The following NRG1 variants were observed in gnomAD, a reference collection of about 807,000 sequenced individuals.
The protein encoded by NRG1 is neuregulin 1, also known as pro-neuregulin-1, membrane-bound isoform.
Under a neutral mutation model 63.8 loss-of-function variants are expected in NRG1, and 18 were observed. That is an observed-to-expected ratio of 0.28 (90% CI 0.19 to 0.42). NRG1 has a LOEUF of 0.42. Among genes scored for constraint, NRG1 ranks in the 10% least tolerant of loss-of-function variants. The pLI, the probability that NRG1 is intolerant of heterozygous loss-of-function variation, is 1.00. For missense variants in NRG1, 762 were observed against 814.7 expected (o/e 0.94, Z 0.79); for synonymous variants, 302 against 301.3 (o/e 1.00, Z -0.02).
At chr8:31,762,039 A>C (rs998726746) in intron 1 of NRG1, among the ~76,000 whole-genome samples, 1 of 152,326 alleles carries the variant, frequency 6.6e-6, no homozygotes, top group Admixed American at 6.5e-5. Context: ...AGCATTGAAA[A>C]AGTTTATTTT....
intron 1 of NRG1, among the ~76,000 whole-genome samples, chr8:32,352,898 T>C (rs1157958106): frequency 2.6e-5 from 3 of 116,432 alleles, no homozygotes; most frequent in East Asian, 2.1e-4. Flanking sequence ...AATATATATA[T>C]ACATATATAT....
intron 1 of NRG1, among the ~76,000 whole-genome samples, chr8:31,979,462 C>T (rs1253952725): frequency 6.6e-6 from 1 of 152,086 alleles, no homozygotes; most frequent in East Asian, 1.9e-4. Flanking sequence ...TTCTTCAACT[C>T]CCAACTCCTG....
intron 2 of NRG1, among the ~76,000 whole-genome samples, chr8:32,604,464 A>T (rs977708173): frequency 2.6e-5 from 4 of 152,170 alleles, no homozygotes; most frequent in African/African-American, 9.7e-5. Flanking sequence ...AACCAGAAGG[A>T]TTACTGTTGT....
At chr8:32,214,203 G>A (rs1236245636) in intron 1 of NRG1, among the ~76,000 whole-genome samples, 2 of 152,070 alleles carry the variant, frequency 1.3e-5, no homozygotes, top group East Asian at 3.9e-4. Context: ...TCTTATAGCT[G>A]TTTTCTCTCA....
intron 1 of NRG1, among the ~76,000 whole-genome samples, chr8:32,456,878 T>C (rs983900182): frequency 2.0e-5 from 3 of 152,166 alleles, no homozygotes; most frequent in Non-Finnish European, 4.4e-5. Flanking sequence ...ACGTCTATCA[T>C]CCCAGCACTT....
chr8:32,537,570 G>A (rs1279945910), intron 1 of NRG1, among the ~76,000 whole-genome samples: 1 of 152,264 alleles, frequency 6.6e-6, no homozygotes, highest in East Asian at 1.9e-4. Context: ...GAGATGTCTG[G>A]GGACACCTGT....
At chr8:32,729,680 A>G (rs1465597965) in intron 6 of NRG1, among the ~76,000 whole-genome samples, 1 of 152,204 alleles carries the variant, frequency 6.6e-6, no homozygotes, top group African/African-American at 2.4e-5. Context: ...ATACTATATA[A>G]ATATTTAGGT....
intron 1 of NRG1, among the ~76,000 whole-genome samples, chr8:31,969,177 T>C (rs7017575): frequency 0.058 from 8,824 of 152,232 alleles, 828 homozygotes; most frequent in African/African-American, 0.2. Context: ...TTTCAGTTTA[T>C]TTTACTTTAT....
At chr8:31,643,199 A>C (rs1387124006) in intron 1 of NRG1, among the ~76,000 whole-genome samples, 1 of 152,132 alleles carries the variant, frequency 6.6e-6, no homozygotes, top group Non-Finnish European at 1.5e-5. Context: ...TTTCAGGGAG[A>C]GTGATGGAGC....
At chr8:32,140,319 C>G (rs2131721142) in intron 1 of NRG1, among the ~76,000 whole-genome samples, 1 of 152,170 alleles carries the variant, frequency 6.6e-6, no homozygotes, top group African/African-American at 2.4e-5. Flanking sequence ...TGAATCCTTC[C>G]TGCCTATCCA....
chr8:31,848,256 G>A (rs181258199), intron 1 of NRG1, among the ~76,000 whole-genome samples: 159 of 152,106 alleles, frequency 1.0e-3, no homozygotes, highest in Middle Eastern at 3.4e-3. Flanking sequence ...TAAAGTTTTC[G>A]AAATTATATA....
chr8:31,779,930 G>A (rs1380216033), intron 1 of NRG1, among the ~76,000 whole-genome samples: 2 of 152,182 alleles, frequency 1.3e-5, no homozygotes, highest in East Asian at 3.8e-4. Flanking sequence ...TCTTGCTAGT[G>A]CAATATACTT....
intron 1 of NRG1, among the ~76,000 whole-genome samples, chr8:32,381,874 A>C (rs1205150036): frequency 6.6e-6 from 1 of 152,238 alleles, no homozygotes; most frequent in Non-Finnish European, 1.5e-5. Flanking sequence ...TAAGCAGTTA[A>C]AACTGAAAGT....
chr8:32,283,145 T>C (rs1853084231), intron 1 of NRG1, among the ~76,000 whole-genome samples: 1 of 152,216 alleles, frequency 6.6e-6, no homozygotes. Flanking sequence ...ACATCTTTAT[T>C]AGCATTCAGG....
At chr8:32,764,651 G>T (rs1264206457) in exon 12 of NRG1, 1 of 327,696 alleles carries the variant, frequency 3.1e-6, no homozygotes, top group Admixed American at 4.5e-5. Context: ...AGCAAGTTTT[G>T]TACAGTTACA....
chr8:32,008,953 A>T (rs2129871697), intron 1 of NRG1, among the ~76,000 whole-genome samples: 1 of 152,172 alleles, frequency 6.6e-6, no homozygotes, highest in Middle Eastern at 3.4e-3. Flanking sequence ...AGGTATATCC[A>T]CATATATCCA....
intron 1 of NRG1, among the ~76,000 whole-genome samples, chr8:32,076,134 CAG>C (rs1376175074): frequency 6.6e-6 from 1 of 152,154 alleles, no homozygotes; most frequent in African/African-American, 2.4e-5. Flanking sequence ...TACTTCTTTA[CAG>C]AGTTAGATAG....
chr8:32,761,510 A>C (rs1304822093), intron 11 of NRG1, among the ~76,000 whole-genome samples: 1 of 152,082 alleles, frequency 6.6e-6, no homozygotes. Context: ...ACTTTGTGGA[A>C]TTTATGAAAT....
chr8:32,677,370 A>G (rs771145879), intron 5 of NRG1, among the ~76,000 whole-genome samples: 1 of 152,172 alleles, frequency 6.6e-6, no homozygotes, highest in Non-Finnish European at 1.5e-5. Flanking sequence ...ACAAGAATAT[A>G]ATTAAGCTTG....
Sources: allele counts gnomAD v4.1 joint callset (sites outside exome capture counted in the v4.1 genomes callset), GRCh38; gene constraint gnomAD v4.1.1; transcripts MANE v1.5; gene names NCBI Gene and HGNC (gene_info 2026-07-23, HGNC 2026-07-21).